Variants in VAT1L observed in about 807,000 individuals in gnomAD.
VAT1L encodes the protein vesicle amine transport 1 like.
A neutral mutation model predicts 44.1 loss-of-function variants in VAT1L; 34 were observed. The observed-to-expected ratio is 0.77, with a 90% CI of 0.59 to 1.03. VAT1L has a LOEUF of 1.03. Ranked by LOEUF, VAT1L falls within the 50% of genes least tolerant of loss-of-function variation. The pLI, the probability that VAT1L is intolerant of heterozygous loss-of-function variation, is 0.00. For missense variants in VAT1L, 615 were observed against 538.8 expected (o/e 1.14, Z -1.40); for synonymous variants, 253 against 202.2 (o/e 1.25, Z -2.13).
At chr16:77,968,644 G>A (rs1032389624) in intron 7 of VAT1L, among the ~76,000 whole-genome samples, 3 of 152,032 alleles carry the variant, frequency 2.0e-5, no homozygotes, top group Admixed American at 6.5e-5. Flanking sequence ...AGAATGGCAT[G>A]AACTTGGGAG....
intron 5 of VAT1L, among the ~76,000 whole-genome samples, chr16:77,878,766 C>A (rs2017116635): frequency 6.6e-6 from 1 of 152,186 alleles, no homozygotes; most frequent in Non-Finnish European, 1.5e-5. Flanking sequence ...CAGGTCAGAG[C>A]CCCAAGCCCC....
chr16:77,834,737 A>C (rs556341859), intron 3 of VAT1L, among the ~76,000 whole-genome samples: 8 of 152,070 alleles, frequency 5.3e-5, no homozygotes, highest in Admixed American at 1.3e-4. Flanking sequence ...CCTTGACATC[A>C]CCTACCATGT....
At chr16:77,966,857 A>G (rs1309145384) in intron 7 of VAT1L, among the ~76,000 whole-genome samples, 2 of 148,508 alleles carry the variant, frequency 1.3e-5, no homozygotes, top group Admixed American at 6.7e-5. Flanking sequence ...TAGTGGCTAT[A>G]GGATTAGGCA....
intron 7 of VAT1L, among the ~76,000 whole-genome samples, chr16:77,947,116 G>A (rs1470161583): frequency 2.0e-5 from 3 of 152,174 alleles, no homozygotes; most frequent in Non-Finnish European, 4.4e-5. Flanking sequence ...GCCCTTTTCT[G>A]TTTCCCTTCC....
chr16:77,826,054 G>A (rs902797317), intron 3 of VAT1L, among the ~76,000 whole-genome samples: 193 of 59,886 alleles, frequency 3.2e-3, no homozygotes, highest in Admixed American at 4.3e-3. Context: ...AAAAAAGAAA[G>A]AAATTAGCCG....
At chr16:77,922,529 G>A (rs189251256) in intron 7 of VAT1L, among the ~76,000 whole-genome samples, 173 of 152,252 alleles carry the variant, frequency 1.1e-3, no homozygotes, top group Admixed American at 0.011. Context: ...AGCTGTCAGC[G>A]GCTTGTCACA....
chr16:77,886,475 T>C (rs999461742), intron 7 of VAT1L, among the ~76,000 whole-genome samples: 1 of 152,206 alleles, frequency 6.6e-6, no homozygotes, highest in South Asian at 2.1e-4. Context: ...TAAGTGAGAA[T>C]TGAAATCCAA....
rs574543314 is a variant in VAT1L, at chr16:77,926,492, G to C, written c.1077+41690G>C. Reference sequence around the variant, plus strand: ...CCAGCTACTCAAGAGGCTGAGACAGGAGAATCGCTTGAACCTGGGAGGCAG... The same window carrying C: ...CCAGCTACTCAAGAGGCTGAGACAGCAGAATCGCTTGAACCTGGGAGGCAG... On this transcript the variant is annotated intron_variant, in intron 7 of 8. Transcript: ENST00000302536. Among the ~76,000 whole-genome samples the C allele has an allele frequency of 5.9e-5, 9 of 152,158 alleles. No homozygotes were observed. The East Asian group carries it at 9.7e-4, about 16-fold the overall frequency.
intron 7 of VAT1L, among the ~76,000 whole-genome samples, chr16:77,890,144 G>T (rs2017248955): frequency 6.6e-6 from 1 of 152,052 alleles, no homozygotes; most frequent in South Asian, 2.1e-4. Flanking sequence ...GGCTTGCTTG[G>T]TATGGGAAGG....
At position 77,788,604 on chromosome 16, in the gene VAT1L, G is replaced by C; in HGVS notation, c.-79G>C. ...ATCCCACATTCAACAGGAGGAACCC[G>C]CGGGAGAGGAGCCCCACTCCCCCAG... On this transcript the variant is annotated 5_prime_UTR_variant, in exon 1 of 9. Transcript: ENST00000302536. 6.7e-7 allele frequency: 1 copy of C among 1,491,576 alleles called. No homozygotes were observed. The highest frequency in any genetic ancestry group is 9.1e-7 in the Non-Finnish European group (1 of 1,104,454). The allele number at this position is 1,491,576 out of a possible 1,614,324, so 92.4% of individuals were successfully genotyped here.
intron 7 of VAT1L, among the ~76,000 whole-genome samples, chr16:77,895,456 C>A (rs964328251): frequency 6.6e-6 from 1 of 152,090 alleles, no homozygotes; most frequent in African/African-American, 2.4e-5. Flanking sequence ...GGATCCAATA[C>A]AATCACAAGG....
At chr16:77,966,972 G>T (rs2018229830) in intron 7 of VAT1L, among the ~76,000 whole-genome samples, 2 of 144,258 alleles carry the variant, frequency 1.4e-5, no homozygotes, top group South Asian at 2.3e-4. Flanking sequence ...ACCTCTGGTG[G>T]TCCCAACGGA....
chr16:77,960,438 C>A (rs2018148968), intron 7 of VAT1L, among the ~76,000 whole-genome samples: 1 of 152,166 alleles, frequency 6.6e-6, no homozygotes, highest in African/African-American at 2.4e-5. Context: ...AGATATTACC[C>A]ACCCTGGGCC....
intron 7 of VAT1L, among the ~76,000 whole-genome samples, chr16:77,946,479 T>G (rs780326993): frequency 2.0e-5 from 3 of 151,714 alleles, no homozygotes; most frequent in Non-Finnish European, 4.4e-5. Context: ...AGACAAGGTT[T>G]CACCGTGTTA....
chr16:77,903,017 A>G (rs2447788), intron 7 of VAT1L, among the ~76,000 whole-genome samples: 28,732 of 151,134 alleles, frequency 0.19, 3,199 homozygotes, highest in East Asian at 0.4. Context: ...CACAGGAATA[A>G]AAAGATTATA....
chr16:77,825,756 C>A (rs1305136007), intron 3 of VAT1L, among the ~76,000 whole-genome samples: 1 of 151,870 alleles, frequency 6.6e-6, no homozygotes, highest in Non-Finnish European at 1.5e-5. Context: ...GTGACTCACG[C>A]CTGTAATCCC....
chr16:77,911,263 A>T (rs562990636), intron 7 of VAT1L, among the ~76,000 whole-genome samples: 5 of 152,244 alleles, frequency 3.3e-5, no homozygotes, highest in Non-Finnish European at 7.3e-5. Flanking sequence ...TAAGCAGCCA[A>T]GGTCCTTGGT....
intron 3 of VAT1L, among the ~76,000 whole-genome samples, chr16:77,850,439 T>G (rs2016797689): frequency 6.6e-6 from 1 of 152,134 alleles, no homozygotes. Flanking sequence ...CCCTCTGCCC[T>G]TCTCTCCTGG....
At chr16:77,868,275 A>G (rs1028416277) in intron 4 of VAT1L, among the ~76,000 whole-genome samples, 3 of 152,248 alleles carry the variant, frequency 2.0e-5, no homozygotes, top group Non-Finnish European at 4.4e-5. Flanking sequence ...TACATCACAA[A>G]GTTGAAAAAT....
Sources: allele counts gnomAD v4.1 joint callset (sites outside exome capture counted in the v4.1 genomes callset), GRCh38; gene constraint gnomAD v4.1.1; transcripts MANE v1.5; gene names NCBI Gene and HGNC (gene_info 2026-07-23, HGNC 2026-07-21).